Variants in ARAP1 observed in about 807,000 individuals in gnomAD.
ARAP1 encodes the protein arf-GAP with Rho-GAP domain, ANK repeat and PH domain-containing protein 1.
Under a neutral mutation model 172.2 loss-of-function variants are expected in ARAP1, and 76 were observed. The ratio of observed to expected loss-of-function variants is 0.44; its 90% CI spans 0.37 to 0.53. ARAP1 has a LOEUF of 0.53. Ranked by LOEUF, ARAP1 falls within the 20% of genes least tolerant of loss-of-function variation. ARAP1 has a pLI of 0.00. For missense variants in ARAP1, 1,686 were observed against 1,977.5 expected, an observed-to-expected ratio of 0.85 and a Z score of 2.80; for synonymous variants, 804 against 803.3, an observed-to-expected ratio of 1.00 and a Z score of -0.01.
At chr11:72,735,141 C>T (rs911182638) in intron 1 of ARAP1, among the ~76,000 whole-genome samples, 4 of 152,028 alleles carry the variant, frequency 2.6e-5, no homozygotes, top group Non-Finnish European at 4.4e-5. Context: ...CCACCACGCC[C>T]GGCTAATTTT....
At chr11:72,743,671 C>T (rs1858271100) in intron 1 of ARAP1, among the ~76,000 whole-genome samples, 1 of 152,174 alleles carries the variant, frequency 6.6e-6, no homozygotes, top group South Asian at 2.1e-4. Context: ...CATGGCAAGG[C>T]CTGTCCCTTC....
At position 72,686,197 on chromosome 11, in the gene ARAP1, G is replaced by C. The variant is rs1218848387; in HGVS notation, c.4186-6C>G. 4.3e-6 allele frequency: 7 copies of C among 1,609,810 alleles called. No homozygotes were observed. Among genetic ancestry groups the C allele is most frequent in the Middle Eastern group, 1.8e-4 (1 of 5,666 alleles). On this transcript the variant is annotated splice_polypyrimidine_tract_variant and splice_region_variant and intron_variant, in intron 33 of 34. Coordinates refer to ENST00000393609, the MANE Select transcript of ARAP1 (RefSeq NM_001040118.3). ...GGCCACACCAGGCCGTCATGCTGGGGAGCAGAGAGGAAGGGGCTGGGCTCA... is the reference window on the plus strand; with the variant it reads ...GGCCACACCAGGCCGTCATGCTGGGCAGCAGAGAGGAAGGGGCTGGGCTCA...
rs1858206463 is a variant in ARAP1, at chr11:72,741,747, C to T, written c.-127-9150G>A. ...CGGGAGTGGACAGACCCAGTGACAC[C>T]AGCACTCAAGATACAGACCCTCACC... On this transcript the variant is annotated intron_variant, in intron 1 of 34. Coordinates refer to ENST00000393609, the MANE Select transcript of ARAP1 (RefSeq NM_001040118.3). The surrounding 1 kb of genome is among the most constrained non-coding windows in gnomAD (Gnocchi z 4.5). Among the ~76,000 whole-genome samples, 1 of 152,156 alleles carries T rather than the reference C, an allele frequency of 6.6e-6. No homozygotes were observed. Among genetic ancestry groups the T allele is most frequent in the Non-Finnish European group, 1.5e-5 (1 of 68,024 alleles).
At chr11:72,705,673 T>C (rs1856725724) in intron 13 of ARAP1, 132 bp downstream of exon 13, 11 of 948,668 alleles carry the variant, frequency 1.2e-5, no homozygotes, top group South Asian at 2.0e-5. Context: ...CCCCACCCAC[T>C]AGATTATCAC....
rs141333695 is a variant in ARAP1, at chr11:72,697,307, T to C, written c.2953+16A>G. 1,731 of 1,576,272 alleles carry C rather than the reference T, an allele frequency of 1.1e-3. 11 individuals are homozygous for C. In the African/African-American group the frequency reaches 0.019, roughly 18 times the overall value. ...TCCGGGAGGGGCGGGGCTGGCACCCTAGGGGCAGGGCTCACCGCACTGCGT... is the reference window on the plus strand; with the variant it reads ...TCCGGGAGGGGCGGGGCTGGCACCCCAGGGGCAGGGCTCACCGCACTGCGT... On this transcript the variant is annotated intron_variant, in intron 21 of 34. Coordinates refer to ENST00000393609, the MANE Select transcript of ARAP1 (RefSeq NM_001040118.3).
At chr11:72,716,801 A>G (rs1260263675) in intron 3 of ARAP1, among the ~76,000 whole-genome samples, 1 of 152,212 alleles carries the variant, frequency 6.6e-6, no homozygotes, top group African/African-American at 2.4e-5. Context: ...ATCGCTTCAA[A>G]GACCCCATGG....
intron 2 of ARAP1, among the ~76,000 whole-genome samples, chr11:72,730,789 T>C (rs929644137): frequency 2.6e-5 from 4 of 152,160 alleles, no homozygotes; most frequent in Non-Finnish European, 5.9e-5. Context: ...TTGACATATA[T>C]AGAAGGTTAC....
chr11:72,748,605 A>C (rs1858444071), intron 1 of ARAP1, among the ~76,000 whole-genome samples: 1 of 152,254 alleles, frequency 6.6e-6, no homozygotes, highest in African/African-American at 2.4e-5. Flanking sequence ...CCAGTGGCCT[A>C]GGACAGATAA....
intron 3 of ARAP1, among the ~76,000 whole-genome samples, chr11:72,721,267 G>A (rs973900050): frequency 1.3e-5 from 2 of 152,158 alleles, no homozygotes; most frequent in Non-Finnish European, 2.9e-5. Context: ...CTCAGGAAAG[G>A]GGAGACCAGC....
chr11:72,720,414 C>G (rs1222964914), intron 3 of ARAP1, among the ~76,000 whole-genome samples: 1 of 152,188 alleles, frequency 6.6e-6, no homozygotes, highest in African/African-American at 2.4e-5. Context: ...CCAGCATAGA[C>G]AGCCCTTCCT....
At chr11:72,708,624 TAA>T (rs1326597164) in intron 11 of ARAP1, 1 of 152,294 alleles carries the variant, frequency 6.6e-6, no homozygotes, top group Non-Finnish European at 1.5e-5. Context: ...GCAGTTGGAG[TAA>T]AGAGGCTGGA....
chr11:72,705,468 TA>T (rs1856714341), intron 13 of ARAP1: 2 of 253,288 alleles, frequency 7.9e-6, no homozygotes, highest in Admixed American at 1.1e-4. Context: ...ACAGTGAAAT[TA>T]GATCAGAAGT....
rs1182721732 is a variant in ARAP1 at position 72,693,067 on chromosome 11, A to T, written c.3954+258T>A. The T allele has an allele frequency of 1.5e-6, 1 of 645,920 alleles. No homozygotes were observed. The highest frequency in any genetic ancestry group is 2.7e-6 in the Non-Finnish European group (1 of 373,450). The allele number at this position is 645,920 out of a possible 1,614,324, so 40.0% of individuals were successfully genotyped here. A position where few individuals can be genotyped will look rare whatever the true frequency, so the allele number is the denominator to read the frequency against. On this transcript the variant is annotated intron_variant, in intron 29 of 34. Coordinates refer to ENST00000393609, the MANE Select transcript of ARAP1 (RefSeq NM_001040118.3). This position sits in a 1 kb window ranked among gnomAD's most constrained non-coding sequence, Gnocchi z 4.6. The stretch of plus-strand genomic sequence containing the variant: ...GTGGATGCAGTGATAAGGCACAGGC[A>T]CAGTGAGACAGAGCATGGGCATGGA...
Position 72,699,368 on chromosome 11 carries a change from G to A in ARAP1, c.2438+49C>T. 9 of 1,611,960 alleles carry A rather than the reference G, an allele frequency of 5.6e-6. No homozygotes were observed. Among genetic ancestry groups the A allele is most frequent in the Non-Finnish European group, 7.6e-6 (9 of 1,178,844 alleles). Reference sequence around the variant, plus strand: ...TCTATTTCCCTGTCTCCCCAGTGGGGGATTGTACCTTATAGCAACCACAGT... The same window carrying A: ...TCTATTTCCCTGTCTCCCCAGTGGGAGATTGTACCTTATAGCAACCACAGT... On this transcript the variant is annotated intron_variant, in intron 17 of 34. Coordinates refer to ENST00000393609, the MANE Select transcript of ARAP1 (RefSeq NM_001040118.3). This position sits in a 1 kb window ranked among gnomAD's most constrained non-coding sequence, Gnocchi z 4.2.
chr11:72,731,433 G>A (rs868433228), intron 2 of ARAP1, among the ~76,000 whole-genome samples: 4 of 152,196 alleles, frequency 2.6e-5, no homozygotes, highest in South Asian at 2.1e-4. Context: ...AAAGAGCCCG[G>A]CTTCTCTCTT....
rs1242506516 is a variant in ARAP1, at chr11:72,699,095, G to C, written c.2451C>G (p.Thr817=). ...PPPDTHGFEH[T]FEVYTEGERL... ...GTTCTCCCTCCGTGTACACCTCAAA[G>C]GTGTGCTCAAAGCTGCAAATACACA... is the stretch of plus-strand genomic sequence containing the variant. The change falls in exon 18 of 35, where the codon ACC becomes ACG. Residue 817 remains threonine, a synonymous_variant. Coordinates refer to ENST00000393609, the MANE Select transcript of ARAP1 (RefSeq NM_001040118.3). The surrounding 1 kb of genome is among the most constrained non-coding windows in gnomAD (Gnocchi z 4.2). 6.2e-6 allele frequency: 10 copies of C among 1,614,102 alleles called. No individual in the cohort carries two copies. Among genetic ancestry groups the C allele is most frequent in the Non-Finnish European group, 8.5e-6 (10 of 1,180,014 alleles).
rs1212885480 is a variant in ARAP1, at chr11:72,689,289, G to A, written c.3988-752C>T. On this transcript the variant is annotated intron_variant, in intron 30 of 34. Coordinates refer to ENST00000393609, the MANE Select transcript of ARAP1 (RefSeq NM_001040118.3). The stretch of plus-strand genomic sequence containing the variant: ...CAGGCTGGCTCGGAGGCAGAGGGAT[G>A]GGGGCAATGACCCCCAAGGAAGAGG... Among the ~76,000 whole-genome samples the A allele has an allele frequency of 2.0e-5, 3 of 152,216 alleles. 1 individual carries two copies. Among genetic ancestry groups the A allele is most frequent in the Non-Finnish European group, 4.4e-5 (3 of 68,036 alleles).
rs1283687650 is a variant in ARAP1, at chr11:72,726,615, C to T, written c.509+5G>A. On this transcript the variant is annotated splice_donor_5th_base_variant and intron_variant, in intron 3 of 34. Coordinates refer to ENST00000393609, the MANE Select transcript of ARAP1 (RefSeq NM_001040118.3). This position sits in a 1 kb window ranked among gnomAD's most constrained non-coding sequence, Gnocchi z 6.5. ...CGCCTCCCACCCTGGGTGGCATCCA[C>T]TCACCTCACCAGCAGGCGGGGGGGT... is the stretch of plus-strand genomic sequence containing the variant. 1.3e-6 allele frequency: 2 copies of T among 1,498,824 alleles called. No homozygotes were observed. Among genetic ancestry groups the T allele is most frequent in the South Asian group, 1.3e-5 (1 of 76,042 alleles). 92.8% of individuals were successfully genotyped at this position (1,498,824 alleles called of 1,614,324 possible). A position where few individuals can be genotyped will look rare whatever the true frequency, so the allele number is the denominator to read the frequency against.
At chr11:72,706,413 C>G (rs889308091) in intron 12 of ARAP1, among the ~76,000 whole-genome samples, 5 of 152,190 alleles carry the variant, frequency 3.3e-5, no homozygotes, top group Admixed American at 6.5e-5. Context: ...CCACCTGGAT[C>G]CCCACCTCCA....
Sources: gnomAD v4.1 joint callset for allele counts (sites outside exome capture counted in the v4.1 genomes callset) on GRCh38, gnomAD v4.1.1 for gene constraint, Gnocchi (gnomAD v3.1) non-coding constraint, MANE v1.5 for transcripts, NCBI Gene and HGNC (gene_info 2026-07-23, HGNC 2026-07-21) for gene names.